TMEM163: variants seen among roughly 807,000 people sequenced by gnomAD.
The protein encoded by TMEM163 is transmembrane protein 163.
TMEM163 carries 17 observed loss-of-function variants against 29.3 expected under a neutral mutation model. That is an observed-to-expected ratio of 0.58 (90% CI 0.40 to 0.87). The LOEUF (loss-of-function observed/expected upper bound fraction) is 0.87. Among genes scored for constraint, TMEM163 ranks in the 40% least tolerant of loss-of-function variants. The probability of loss-of-function intolerance (pLI) is 0.00; values close to 1 mark genes in which losing one functional copy is unlikely to be tolerated. For synonymous variants in TMEM163, 157 were observed against 160.6 expected (o/e 0.98, Z 0.17); for missense variants, 303 against 381.5 (o/e 0.79, Z 1.71).
chr2:134,635,094 A>G (rs1683074574), intron 2 of TMEM163, among the ~76,000 whole-genome samples: 1 of 152,246 alleles, frequency 6.6e-6, no homozygotes, highest in Admixed American at 6.5e-5. Context: ...TGGCTTAAAA[A>G]TATGAAAAGG....
chr2:134,518,506 T>G lies in TMEM163; in HGVS notation c.459-15509A>C, dbSNP rs1207398984. On this transcript the variant is annotated intron_variant, in intron 4 of 7. Coordinates refer to ENST00000281924, the MANE Select transcript of TMEM163 (RefSeq NM_030923.5). ...GGAACCTAAATGTAACGCACCACAG[T>G]GCTGACTAAATACAAGGCCATCCCG... is the stretch of plus-strand genomic sequence containing the variant. Among the ~76,000 whole-genome samples, 5 of 152,216 alleles carry G rather than the reference T, an allele frequency of 3.3e-5. No individual in the cohort carries two copies. The East Asian group carries it at 9.6e-4, about 29-fold the overall frequency.
At chr2:134,556,525 G>A (rs1681053122) in intron 2 of TMEM163, among the ~76,000 whole-genome samples, 1 of 152,206 alleles carries the variant, frequency 6.6e-6, no homozygotes, top group Admixed American at 6.5e-5. Flanking sequence ...CCTTTGCAAA[G>A]AGTACTGTTG....
At chr2:134,500,556 G>A (rs1679675070) in intron 5 of TMEM163, among the ~76,000 whole-genome samples, 1 of 152,090 alleles carries the variant, frequency 6.6e-6, no homozygotes. Context: ...ACCATAAATG[G>A]GTGTGATTTT....
chr2:134,496,871 C>T (rs16830708), intron 5 of TMEM163, among the ~76,000 whole-genome samples: 4,989 of 152,198 alleles, frequency 0.033, 289 homozygotes, highest in African/African-American at 0.11. Context: ...GAGACTTCCA[C>T]GTAAACAGGA....
At chr2:134,662,018 A>G (rs1332297624) in intron 2 of TMEM163, among the ~76,000 whole-genome samples, 1 of 131,964 alleles carries the variant, frequency 7.6e-6, no homozygotes, top group Non-Finnish European at 1.5e-5. Flanking sequence ...TGTAAGCTCC[A>G]CCTCCCGGGT....
intron 5 of TMEM163, among the ~76,000 whole-genome samples, chr2:134,479,068 T>C (rs761328985): frequency 6.6e-6 from 1 of 152,222 alleles, no homozygotes; most frequent in Non-Finnish European, 1.5e-5. Flanking sequence ...TTGATGAACC[T>C]GGAGGCAGGC....
chr2:134,697,363 C>A (rs1270355094), intron 2 of TMEM163, among the ~76,000 whole-genome samples: 1 of 152,020 alleles, frequency 6.6e-6, no homozygotes. Flanking sequence ...GTTAAATAAC[C>A]TTTATCAGCA....
At chr2:134,589,651 T>C (rs1224149277) in intron 2 of TMEM163, among the ~76,000 whole-genome samples, 1 of 152,204 alleles carries the variant, frequency 6.6e-6, no homozygotes. Context: ...AACTCATGAA[T>C]AGTCCACCCA....
intron 2 of TMEM163, among the ~76,000 whole-genome samples, chr2:134,590,327 A>G (rs1681910954): frequency 6.6e-6 from 1 of 152,026 alleles, no homozygotes; most frequent in Admixed American, 6.6e-5. Context: ...CCTCCATGAA[A>G]TCTTCTACCT....
chr2:134,688,653 A>G (rs563588983), intron 2 of TMEM163, among the ~76,000 whole-genome samples: 2 of 152,254 alleles, frequency 1.3e-5, no homozygotes, highest in African/African-American at 2.4e-5. Context: ...ATTCATAGAC[A>G]CTCTACATAT....
chr2:134,684,522 C>T (rs905414159), intron 2 of TMEM163, among the ~76,000 whole-genome samples: 19 of 152,124 alleles, frequency 1.2e-4, no homozygotes, highest in African/African-American at 4.1e-4. Flanking sequence ...AGGGGCACCT[C>T]GGAGTCTGAG....
At chr2:134,604,970 G>C (rs146251551) in intron 2 of TMEM163, among the ~76,000 whole-genome samples, 3 of 151,920 alleles carry the variant, frequency 2.0e-5, no homozygotes, top group Non-Finnish European at 4.4e-5. Context: ...ACCAGAGGTC[G>C]GGATTTCGAG....
intron 2 of TMEM163, among the ~76,000 whole-genome samples, chr2:134,567,427 C>T (rs1376938505): frequency 6.6e-6 from 1 of 152,202 alleles, no homozygotes; most frequent in Non-Finnish European, 1.5e-5. Flanking sequence ...CGTGGTGACT[C>T]ACACCAGTAA....
rs556054569 is a variant in TMEM163, at chr2:134,460,152, C to T, written c.668-1979G>A. On this transcript the variant is annotated intron_variant, in intron 6 of 7. Coordinates refer to ENST00000281924, the MANE Select transcript of TMEM163 (RefSeq NM_030923.5). The surrounding 1 kb of genome is among the most constrained non-coding windows in gnomAD (Gnocchi z 4.3). ...GCCACCTGTGGCCCTCCCTGTACCC[C>T]GCCACAGCCAGAGGGACCCTCTGTC... Among the ~76,000 whole-genome samples, 502 of 151,876 alleles carry T rather than the reference C, an allele frequency of 3.3e-3. 5 individuals are homozygous for T. The highest frequency in any genetic ancestry group is 0.011 in the African/African-American group (475 of 41,386).
At chr2:134,613,693 TAAC>T (rs1311314062) in intron 2 of TMEM163, among the ~76,000 whole-genome samples, 1 of 152,044 alleles carries the variant, frequency 6.6e-6, no homozygotes, top group Non-Finnish European at 1.5e-5. Flanking sequence ...TGAAGGCAAC[TAAC>T]AACAAGCAAA....
intron 2 of TMEM163, among the ~76,000 whole-genome samples, chr2:134,700,294 CACTG>C (rs1389923994): frequency 6.6e-6 from 1 of 152,310 alleles, no homozygotes; most frequent in East Asian, 1.9e-4. Flanking sequence ...CCTCTAAAAA[CACTG>C]ACTATTTTCT....
intron 4 of TMEM163, among the ~76,000 whole-genome samples, chr2:134,519,075 C>A (rs1455897880): frequency 6.6e-6 from 1 of 152,192 alleles, no homozygotes; most frequent in African/African-American, 2.4e-5. Context: ...GGACGTTCTC[C>A]TGGACTCAAA....
intron 6 of TMEM163, among the ~76,000 whole-genome samples, chr2:134,464,601 G>A (rs1178228171): frequency 6.6e-6 from 1 of 152,132 alleles, no homozygotes; most frequent in African/African-American, 2.4e-5. Flanking sequence ...AGCCATGGGT[G>A]AAAAGCTGGG....
At chr2:134,554,876 G>A (rs1254513925) in intron 2 of TMEM163, among the ~76,000 whole-genome samples, 1 of 152,094 alleles carries the variant, frequency 6.6e-6, no homozygotes, top group African/African-American at 2.4e-5. Context: ...AGGAAAATAT[G>A]AGCGAGATGG....
Sources: gnomAD v4.1 joint callset for allele counts (sites outside exome capture counted in the v4.1 genomes callset) on GRCh38, gnomAD v4.1.1 for gene constraint, Gnocchi (gnomAD v3.1) non-coding constraint, MANE v1.5 for transcripts, NCBI Gene and HGNC (gene_info 2026-07-23, HGNC 2026-07-21) for gene names.